The following MGAT4C variants were observed in gnomAD, a reference collection of about 807,000 sequenced individuals.
The protein encoded by MGAT4C is alpha-1,3-mannosyl-glycoprotein 4-beta-N-acetylglucosaminyltransferase C.
Under a neutral mutation model 40.1 loss-of-function variants are expected in MGAT4C, and 19 were observed. The observed-to-expected ratio is 0.47, with a 90% CI of 0.33 to 0.70. The LOEUF (loss-of-function observed/expected upper bound fraction) is 0.70. Ranked by LOEUF, MGAT4C falls within the 30% of genes least tolerant of loss-of-function variation. The probability of loss-of-function intolerance (pLI) is 0.02; values close to 1 mark genes in which losing one functional copy is unlikely to be tolerated. For missense variants in MGAT4C, 491 were observed against 563.2 expected (o/e 0.87, Z 1.30); for synonymous variants, 181 against 187.1 (o/e 0.97, Z 0.27).
At chr12:86,554,995 C>A (rs957903029) in intron 2 of MGAT4C, among the ~76,000 whole-genome samples, 8 of 152,012 alleles carry the variant, frequency 5.3e-5, no homozygotes, top group African/African-American at 1.9e-4. Flanking sequence ...AGCAGCATAA[C>A]AACTTTAAAT....
chr12:86,012,781 C>CAACAACA (rs763608266), intron 2 of MGAT4C, among the ~76,000 whole-genome samples: 7,656 of 96,988 alleles, frequency 0.079, 236 homozygotes, highest in Middle Eastern at 0.14. Flanking sequence ...CAACAACAAC[C>CAACAACA]ACCACCACCA....
chr12:86,761,333 G>A (rs1186709832), intron 1 of MGAT4C, among the ~76,000 whole-genome samples: 1 of 152,128 alleles, frequency 6.6e-6, no homozygotes, highest in East Asian at 1.9e-4. Context: ...GAGGTAGTTT[G>A]AGGCTAAATA....
chr12:86,709,810 T>G (rs1399159763), intron 2 of MGAT4C, among the ~76,000 whole-genome samples: 4 of 152,114 alleles, frequency 2.6e-5, no homozygotes, highest in African/African-American at 7.2e-5. Context: ...CCTGAAGAGA[T>G]AGTTTTCTTG....
rs568133236 is a variant in MGAT4C at position 86,327,931 on chromosome 12, T to C, written c.-57+6134A>G. The stretch of plus-strand genomic sequence containing the variant: ...TTTATTTTTTTTCAAACGTTTATTA[T>C]TTACCTCTAGTCCAGAAACTTCCCA... On this transcript the variant is annotated intron_variant, in intron 4 of 7. Coordinates refer to the MGAT4C transcript ENST00000548651. 3.3e-4 allele frequency among the ~76,000 whole-genome samples: 50 copies of C among 152,250 alleles called. 1 individual carries two copies. The highest frequency in any genetic ancestry group is 1.0e-4 in the Non-Finnish European group (7 of 68,004).
At chr12:86,824,604 A>G (rs961504624) in intron 1 of MGAT4C, among the ~76,000 whole-genome samples, 5 of 151,184 alleles carry the variant, frequency 3.3e-5, no homozygotes, top group African/African-American at 1.2e-4. Flanking sequence ...TTGAATCTGC[A>G]TCTTGAAAAG....
intron 2 of MGAT4C, among the ~76,000 whole-genome samples, chr12:86,648,503 G>C (rs1419047792): frequency 6.6e-6 from 1 of 151,746 alleles, no homozygotes; most frequent in African/African-American, 2.4e-5. Flanking sequence ...AAGAGGAGGA[G>C]TCACAAGATC....
intron 1 of MGAT4C, among the ~76,000 whole-genome samples, chr12:86,254,281 G>A (rs191143758): frequency 1.8e-4 from 27 of 151,996 alleles, no homozygotes; most frequent in East Asian, 1.7e-3. Context: ...CTCATATCTC[G>A]TGTACTTGCG....
intron 4 of MGAT4C, among the ~76,000 whole-genome samples, chr12:86,326,274 G>T (rs1416105142): frequency 6.7e-6 from 1 of 149,892 alleles, no homozygotes; most frequent in Non-Finnish European, 1.5e-5. Flanking sequence ...TTTGCTAAGA[G>T]GGTAGATCTG....
intron 4 of MGAT4C, among the ~76,000 whole-genome samples, chr12:86,275,827 C>A (rs565965073): frequency 6.6e-6 from 1 of 151,520 alleles, no homozygotes; most frequent in South Asian, 2.1e-4. Context: ...ATTGGCTGGG[C>A]GCGGTGGCTC....
intron 3 of MGAT4C, among the ~76,000 whole-genome samples, chr12:86,365,254 G>A (rs1010584659): frequency 3.3e-5 from 5 of 152,116 alleles, no homozygotes; most frequent in South Asian, 4.1e-4. Context: ...GCTCACCGGC[G>A]GTCAAAGTTT....
At chr12:86,296,564 G>A (rs1021012535) in intron 4 of MGAT4C, among the ~76,000 whole-genome samples, 1 of 152,240 alleles carries the variant, frequency 6.6e-6, no homozygotes, top group Admixed American at 6.5e-5. Context: ...AGGCAGCTAA[G>A]GCCCAGCGAG....
intron 3 of MGAT4C, among the ~76,000 whole-genome samples, chr12:86,354,494 G>A (rs1043066052): frequency 6.6e-6 from 1 of 152,012 alleles, no homozygotes; most frequent in African/African-American, 2.4e-5. Flanking sequence ...GAAGGCAAAA[G>A]CCCTTGAAAT....
intron 2 of MGAT4C, among the ~76,000 whole-genome samples, chr12:86,611,310 G>C (rs368379840): frequency 6.6e-6 from 1 of 151,860 alleles, no homozygotes; most frequent in Non-Finnish European, 1.5e-5. Flanking sequence ...CAGCAGATAC[G>C]CAAAGACGTG....
chr12:85,980,133 A>G lies in MGAT4C; in HGVS notation c.593T>C (p.Phe198Ser). 6.2e-7 allele frequency: 1 copy of G among 1,613,976 alleles called. No individual in the cohort carries two copies. Among genetic ancestry groups the G allele is most frequent in the African/African-American group, 1.3e-5 (1 of 75,028 alleles). ...NYNDPEDRVK[F>S]RSKQNVDYAF... ...ATAATCTACATTTTGCTTGGAACGAAATTTGACTCTATCTTCTGGATCATT... is the reference window on the plus strand; with the variant it reads ...ATAATCTACATTTTGCTTGGAACGAGATTTGACTCTATCTTCTGGATCATT... Residue 198 changes from phenylalanine to serine, a missense_variant, in exon 5 of 5, where the codon TTT becomes TCT. By Grantham distance (155) the Phe-to-Ser change is radical. Transcript: ENST00000611864.
In MGAT4C at chr12:86,038,902, C is replaced by T. The variant is rs1337048548; in HGVS notation, c.-7+10772G>A. Reference sequence around the variant, plus strand: ...TCCTTTCCATATTTAATGCTTCCTTCAGGAGCTCTTGTAAGGCAGGCCTGG... The same window carrying T: ...TCCTTTCCATATTTAATGCTTCCTTTAGGAGCTCTTGTAAGGCAGGCCTGG... On this transcript the variant is annotated intron_variant, in intron 2 of 4. Coordinates refer to ENST00000611864, the MANE Select transcript of MGAT4C (RefSeq NM_001351288.2). 4.0e-5 allele frequency among the ~76,000 whole-genome samples: 6 copies of T among 149,934 alleles called. 1 individual carries two copies. The highest frequency in any genetic ancestry group is 9.0e-5 in the Non-Finnish European group (6 of 66,888).
chr12:86,338,142 T>C (rs537930781), intron 3 of MGAT4C, among the ~76,000 whole-genome samples: 5 of 152,074 alleles, frequency 3.3e-5, no homozygotes, highest in African/African-American at 1.2e-4. Flanking sequence ...CTCAAATCAG[T>C]CTCCCCGAAC....
intron 1 of MGAT4C, among the ~76,000 whole-genome samples, chr12:86,076,213 T>C (rs915401834): frequency 1.3e-5 from 2 of 152,100 alleles, no homozygotes; most frequent in East Asian, 3.9e-4. Context: ...CACCAGTCTC[T>C]TTGCTAAAAC....
chr12:86,799,476 T>C (rs1192838917), intron 1 of MGAT4C, among the ~76,000 whole-genome samples: 1 of 151,904 alleles, frequency 6.6e-6, no homozygotes, highest in Non-Finnish European at 1.5e-5. Context: ...AAATACTTTC[T>C]ATCTCACAGC....
At chr12:86,411,820 C>T (rs914726855) in intron 3 of MGAT4C, among the ~76,000 whole-genome samples, 16 of 152,102 alleles carry the variant, frequency 1.1e-4, no homozygotes, top group African/African-American at 3.1e-4. Context: ...ATCATAGGCC[C>T]GGAGGACTAG....
Sources: allele counts gnomAD v4.1 joint callset (sites outside exome capture counted in the v4.1 genomes callset), GRCh38; gene constraint gnomAD v4.1.1; transcripts MANE v1.5; gene names NCBI Gene and HGNC (gene_info 2026-07-23, HGNC 2026-07-21).